Variants in ADAMTS9 observed in about 807,000 individuals in gnomAD.
ADAMTS9 encodes ADAM metallopeptidase with thrombospondin type 1 motif 9.
In ADAMTS9, 107 loss-of-function variants were observed where a neutral mutation model predicts 257.1. The ratio of observed to expected loss-of-function variants is 0.42; its 90% CI spans 0.36 to 0.49. The LOEUF (loss-of-function observed/expected upper bound fraction) is 0.49, where lower values mean the gene tolerates loss of function less well. Among genes scored for constraint, ADAMTS9 ranks in the 20% least tolerant of loss-of-function variants. The pLI, the probability that ADAMTS9 is intolerant of heterozygous loss-of-function variation, is 0.03. For synonymous variants in ADAMTS9, 982 were observed against 880.9 expected (o/e 1.11, Z -2.03); for missense variants, 2,353 against 2,469.1 (o/e 0.95, Z 1.00).
chr3:64,580,132 GA>G (rs1287436518), intron 28 of ADAMTS9, among the ~76,000 whole-genome samples: 2 of 152,046 alleles, frequency 1.3e-5, no homozygotes, highest in East Asian at 3.9e-4. Flanking sequence ...ATATATATAT[GA>G]AAAACAGAAT....
chr3:64,607,731 T>C (rs2084584922), intron 22 of ADAMTS9, among the ~76,000 whole-genome samples: 1 of 152,150 alleles, frequency 6.6e-6, no homozygotes, highest in African/African-American at 2.4e-5. Context: ...TGGAATCAAC[T>C]TTTTGGAACT....
intron 2 of ADAMTS9, among the ~76,000 whole-genome samples, chr3:64,684,195 C>A (rs1311972058): frequency 6.6e-6 from 1 of 152,036 alleles, no homozygotes; most frequent in Non-Finnish European, 1.5e-5. Context: ...TGTAAATAGT[C>A]TTAAATGCCA....
chr3:64,570,691 G>T (rs1435281130), intron 28 of ADAMTS9, among the ~76,000 whole-genome samples: 2 of 80,940 alleles, frequency 2.5e-5, no homozygotes, highest in Non-Finnish European at 2.0e-5. Flanking sequence ...GCAAGACTCC[G>T]TCTCAAAAAA....
chr3:64,546,520 T>A (rs1267970619), intron 32 of ADAMTS9, among the ~76,000 whole-genome samples: 1 of 152,188 alleles, frequency 6.6e-6, no homozygotes, highest in Non-Finnish European at 1.5e-5. Flanking sequence ...ACCTGGGAAG[T>A]GGCAGAACCA....
intron 28 of ADAMTS9, among the ~76,000 whole-genome samples, chr3:64,584,388 G>C (rs1321466327): frequency 1.3e-5 from 2 of 151,938 alleles, no homozygotes; most frequent in African/African-American, 4.8e-5. Flanking sequence ...GAGGAGAGAA[G>C]GCTTAGGAAA....
intron 38 of ADAMTS9, among the ~76,000 whole-genome samples, chr3:64,531,354 T>C (rs2082978747): frequency 1.3e-5 from 2 of 151,900 alleles, no homozygotes. Context: ...AAAATAAAAA[T>C]ACAGGATGCT....
chr3:64,651,679 G>T (rs1209163202), intron 8 of ADAMTS9, among the ~76,000 whole-genome samples: 1 of 152,114 alleles, frequency 6.6e-6, no homozygotes, highest in Non-Finnish European at 1.5e-5. Flanking sequence ...ACCTGCGTAG[G>T]TATATCATTC....
chr3:64,685,658 C>G (rs1297632243), intron 2 of ADAMTS9, among the ~76,000 whole-genome samples: 1 of 152,192 alleles, frequency 6.6e-6, no homozygotes, highest in Non-Finnish European at 1.5e-5. Context: ...GTCGGGGAAC[C>G]AACGTGGATT....
intron 6 of ADAMTS9, among the ~76,000 whole-genome samples, chr3:64,655,053 G>A (rs1701027574): frequency 6.6e-6 from 1 of 152,308 alleles, no homozygotes; most frequent in Non-Finnish European, 1.5e-5. Context: ...TTGCTACAGT[G>A]TTTTAACATT....
chr3:64,639,144 T>A (rs1480096157), intron 12 of ADAMTS9, among the ~76,000 whole-genome samples: 1 of 152,084 alleles, frequency 6.6e-6, no homozygotes, highest in Non-Finnish European at 1.5e-5. Context: ...TGTTCCTTTC[T>A]CTTTTCAAAT....
chr3:64,605,892 T>C (rs1040757153), intron 23 of ADAMTS9, among the ~76,000 whole-genome samples: 3 of 152,244 alleles, frequency 2.0e-5, no homozygotes, highest in African/African-American at 7.2e-5. Flanking sequence ...CAATAAAATA[T>C]ACAATTATAT....
At chr3:64,596,687 A>G in intron 27 of ADAMTS9, 143 bp downstream of exon 27, 2 of 996,526 alleles carry the variant, frequency 2.0e-6, no homozygotes, top group South Asian at 3.4e-5. Context: ...TCCAGAATTT[A>G]AGAAGACAGG....
chr3:64,540,934 G>C (rs11130970), intron 36 of ADAMTS9, among the ~76,000 whole-genome samples, 161 bp downstream of exon 36: 1 of 152,024 alleles, frequency 6.6e-6, no homozygotes, highest in South Asian at 2.1e-4. Flanking sequence ...GACTATCCTC[G>C]CTGCACTGTA....
intron 26 of ADAMTS9, among the ~76,000 whole-genome samples, chr3:64,601,185 C>T (rs1287073259): frequency 6.6e-6 from 1 of 152,140 alleles, no homozygotes; most frequent in African/African-American, 2.4e-5. Flanking sequence ...AGACAACTGT[C>T]GACATTTATT....
At chr3:64,571,219 G>T (rs1026544316) in intron 28 of ADAMTS9, among the ~76,000 whole-genome samples, 2 of 152,186 alleles carry the variant, frequency 1.3e-5, no homozygotes, top group African/African-American at 4.8e-5. Context: ...GCCAGGCACT[G>T]CCCTAAGACT....
At chr3:64,672,792 C>T (rs1701525543) in intron 3 of ADAMTS9, among the ~76,000 whole-genome samples, 1 of 152,142 alleles carries the variant, frequency 6.6e-6, no homozygotes, top group Non-Finnish European at 1.5e-5. Context: ...TGCAAACTGG[C>T]CCTTCTGGGC....
chr3:64,609,646 A>T (rs2084628363), intron 22 of ADAMTS9, among the ~76,000 whole-genome samples: 2 of 152,220 alleles, frequency 1.3e-5, no homozygotes, highest in Non-Finnish European at 2.9e-5. Flanking sequence ...CTAAATAAAT[A>T]AAAAGATATT....
chr3:64,658,644 G>T lies in ADAMTS9; in HGVS notation c.827C>A (p.Thr276Lys), dbSNP rs758973075. 1 of 1,613,954 alleles carries T rather than the reference G, an allele frequency of 6.2e-7. No individual in the cohort carries two copies. Among genetic ancestry groups the T allele is most frequent in the Admixed American group, 1.7e-5 (1 of 59,990 alleles). Residue 276 changes from threonine to lysine, a missense_variant, in exon 4 of 40, where the codon ACA (threonine) becomes AAA (lysine). Thr to Lys is a moderately conservative substitution (Grantham distance 78). This residue lies in a region of ADAMTS9 where 591 missense variants were observed against 569.6 expected (regional missense o/e 1.04). Transcript: ENST00000498707. ...FSAYGNKTDN[T>K]REKRTHRRTK... ...CCTTCTGTGGGTCCTCTTTTCTCTT[G>T]TGTTGTCCGTCTTATTACCATAAGC...
At position 64,687,527 on chromosome 3, in the gene ADAMTS9, G is replaced by C. The variant is rs1157601939; in HGVS notation, c.115+16C>G. On this transcript the variant is annotated intron_variant, in intron 1 of 39. Coordinates refer to ENST00000498707, the MANE Select transcript of ADAMTS9 (RefSeq NM_182920.2). The surrounding 1 kb of genome is among the most constrained non-coding windows in gnomAD (Gnocchi z 4.4). ...CGTCGGGGCCGGCGGGGTCCCGGGG[G>C]CCGGAGCCTGGTTACCTTGCCTCGG... The C allele has an allele frequency of 5.9e-6, 9 of 1,518,616 alleles. No individual in the cohort carries two copies. The highest frequency in any genetic ancestry group is 7.1e-6 in the Non-Finnish European group (8 of 1,128,658). The allele number at this position is 1,518,616 out of a possible 1,614,324, so 94.1% of individuals were successfully genotyped here. A position where few individuals can be genotyped will look rare whatever the true frequency, so the allele number is the denominator to read the frequency against.
Sources: gnomAD v4.1 joint callset for allele counts (sites outside exome capture counted in the v4.1 genomes callset) on GRCh38, gnomAD v4.1.1 for gene constraint, gnomAD v4.1.1 regional missense constraint, Gnocchi (gnomAD v3.1) non-coding constraint, MANE v1.5 for transcripts, NCBI Gene and HGNC (gene_info 2026-07-23, HGNC 2026-07-21) for gene names.